Variants in C2CD3 observed in about 807,000 individuals in gnomAD.
C2CD3 encodes C2 domain containing 3 centriole elongation regulator.
C2CD3 carries 148 observed loss-of-function variants against 234.0 expected under a neutral mutation model. That is an observed-to-expected ratio of 0.63 (90% CI 0.55 to 0.72). The LOEUF (loss-of-function observed/expected upper bound fraction) is 0.72, where lower values mean the gene tolerates loss of function less well. C2CD3 is among the 30% of genes least tolerant of loss of function. C2CD3 has a pLI of 0.00. For missense variants in C2CD3, 2,577 were observed against 2,811.5 expected, an observed-to-expected ratio of 0.92 and a Z score of 1.89; for synonymous variants, 1,000 against 1,035.4, an observed-to-expected ratio of 0.97 and a Z score of 0.66.
chr11:74,064,927 A>G (rs1954435758), intron 24 of C2CD3, among the ~76,000 whole-genome samples: 2 of 152,246 alleles, frequency 1.3e-5, no homozygotes, highest in South Asian at 4.1e-4. Flanking sequence ...TTCAAGATGG[A>G]TTAAAGACTT....
At chr11:74,170,365 C>T (rs543867020) in intron 1 of C2CD3, among the ~76,000 whole-genome samples, 3 of 152,338 alleles carry the variant, frequency 2.0e-5, no homozygotes, top group African/African-American at 7.2e-5. Flanking sequence ...CCCACAATCA[C>T]ACAACAAATG....
At position 74,078,026 on chromosome 11, in the gene C2CD3, T is replaced by C. The variant is rs572185661; in HGVS notation, c.4603+89A>G. 89 of 1,453,470 alleles carry C rather than the reference T, an allele frequency of 6.1e-5. No individual in the cohort carries two copies. The African/African-American group carries it at 1.2e-3, about 19-fold the overall frequency. The allele number at this position is 1,453,470 out of a possible 1,614,324, so 90.0% of individuals were successfully genotyped here. A position where few individuals can be genotyped will look rare whatever the true frequency, so the allele number is the denominator to read the frequency against. Reference sequence around the variant, plus strand: ...TCACAGGATTGCTGGGAGGGTCAAGTAAAGTAATGTCTGACAGAGTGTCTC... The same window carrying C: ...TCACAGGATTGCTGGGAGGGTCAAGCAAAGTAATGTCTGACAGAGTGTCTC... On this transcript the variant is annotated intron_variant, in intron 23 of 32. Coordinates refer to ENST00000334126, the MANE Select transcript of C2CD3 (RefSeq NM_001286577.2).
intron 9 of C2CD3, 37 bp downstream of exon 9, chr11:74,118,191 T>C: frequency 6.4e-7 from 1 of 1,562,996 alleles, no homozygotes; most frequent in Non-Finnish European, 8.7e-7. Flanking sequence ...AACATTCCTT[T>C]GTGTTTACCT....
intron 3 of C2CD3, among the ~76,000 whole-genome samples, chr11:74,155,953 C>A (rs981333983): frequency 2.0e-5 from 3 of 151,704 alleles, no homozygotes; most frequent in African/African-American, 4.8e-5. Flanking sequence ...CCAGCCTGGA[C>A]AACATGGCAA....
At position 74,040,391 on chromosome 11, in the gene C2CD3, T is replaced by G. The variant is rs1952976084; in HGVS notation, c.5660+1663A>C. On this transcript the variant is annotated intron_variant, in intron 29 of 32. Transcript: ENST00000334126. ...GCACTATTGATCAATTTTTAACTTGTCTCATTAACCAAAAAGATTTTGTTG... is the reference window on the plus strand; with the variant it reads ...GCACTATTGATCAATTTTTAACTTGGCTCATTAACCAAAAAGATTTTGTTG... Among the ~76,000 whole-genome samples the G allele has an allele frequency of 2.0e-5, 3 of 152,310 alleles. No homozygotes were observed. The East Asian group carries it at 5.8e-4, about 29-fold the overall frequency.
chr11:74,035,657 C>T (rs1186619096), intron 30 of C2CD3, among the ~76,000 whole-genome samples: 2 of 151,936 alleles, frequency 1.3e-5, no homozygotes, highest in African/African-American at 4.8e-5. Flanking sequence ...TTTGTAAAAA[C>T]AGCATACTGA....
chr11:74,147,921 C>T (rs1012729394), intron 3 of C2CD3, among the ~76,000 whole-genome samples: 5 of 152,154 alleles, frequency 3.3e-5, no homozygotes, highest in Non-Finnish European at 7.3e-5. Context: ...AAAACTAACA[C>T]TATTCAACTT....
At chr11:74,083,056 C>T (rs1245624343) in intron 22 of C2CD3, among the ~76,000 whole-genome samples, 14 of 152,156 alleles carry the variant, frequency 9.2e-5, no homozygotes, top group South Asian at 2.1e-4. Context: ...TACAAGGCTA[C>T]GGTAACCAAA....
rs571645094 is a variant in C2CD3, at chr11:74,126,809, TA to T, written c.1218-3675del. The stretch of plus-strand genomic sequence containing the variant: ...AATTCAATAGTTTTTAGTATGTTCA[TA>T]AATGTGACCAACCATCACCACTCAA... On this transcript the variant is annotated intron_variant, in intron 7 of 32. Transcript: ENST00000334126. Among the ~76,000 whole-genome samples, 514 of 152,288 alleles carry T rather than the reference TA, an allele frequency of 3.4e-3. 5 individuals are homozygous for T. The highest frequency in any genetic ancestry group is 0.012 in the African/African-American group (486 of 41,572).
At chr11:74,114,132 T>C (rs527801839) in intron 10 of C2CD3, among the ~76,000 whole-genome samples, 1 of 152,194 alleles carries the variant, frequency 6.6e-6, no homozygotes, top group African/African-American at 2.4e-5. Flanking sequence ...ATGTTATAGA[T>C]AGCCATTTAA....
At chr11:74,118,043 C>T (rs1005221077) in intron 9 of C2CD3, among the ~76,000 whole-genome samples, 185 bp downstream of exon 9, 3 of 152,080 alleles carry the variant, frequency 2.0e-5, no homozygotes, top group African/African-American at 7.2e-5. Flanking sequence ...TTCCCCAAAA[C>T]CTATGGAAAA....
intron 2 of C2CD3, among the ~76,000 whole-genome samples, chr11:74,163,883 A>G (rs770035783): frequency 7.9e-5 from 12 of 152,208 alleles, no homozygotes; most frequent in African/African-American, 2.2e-4. Context: ...ACTAACATGT[A>G]TTCATTGGCT....
intron 5 of C2CD3, among the ~76,000 whole-genome samples, chr11:74,136,277 G>A (rs1288079370): frequency 2.0e-5 from 3 of 152,148 alleles, no homozygotes; most frequent in Non-Finnish European, 4.4e-5. Context: ...CTCAGACCGA[G>A]TTGAAATCTA....
intron 14 of C2CD3, among the ~76,000 whole-genome samples, chr11:74,101,819 G>A (rs536681610): frequency 4.0e-4 from 61 of 152,166 alleles, no homozygotes; most frequent in Non-Finnish European, 7.6e-4. Flanking sequence ...AAGAGTGGCA[G>A]GAGCTGAGGC....
chr11:74,126,436 A>C (rs888973938), intron 7 of C2CD3, among the ~76,000 whole-genome samples: 1 of 152,176 alleles, frequency 6.6e-6, no homozygotes, highest in Admixed American at 6.5e-5. Flanking sequence ...ATACCATACA[A>C]TCTTCCCATT....
Position 74,033,805 on chromosome 11 carries a change from A to G in C2CD3, c.6355T>C (p.Cys2119Arg). ...CTTTTGACCATAAGCTCCTCTCTGC[A>G]GAAAGGCCCTGGAGAAGGACAAGAG... Reference protein sequence around the residue: ...GPSCPSPGPFCREELMVKSSF... With the variant: ...GPSCPSPGPFRREELMVKSSF... The change falls in exon 31 of 33, where the codon TGC (cysteine) becomes CGC (arginine). Residue 2119 changes from cysteine (C) to arginine (R), a missense_variant. By Grantham distance (180) the Cys-to-Arg change is radical. Coordinates refer to ENST00000334126, the MANE Select transcript of C2CD3 (RefSeq NM_001286577.2). The G allele has an allele frequency of 6.5e-7, 1 of 1,536,298 alleles. No homozygotes were observed. Among genetic ancestry groups the G allele is most frequent in the Non-Finnish European group, 8.7e-7 (1 of 1,146,944 alleles).
At chr11:74,041,955 CG>C in intron 29 of C2CD3, 98 bp downstream of exon 29, 1 of 1,182,004 alleles carries the variant, frequency 8.5e-7, no homozygotes, top group Non-Finnish European at 1.2e-6. Flanking sequence ...GTTCCTAGGG[CG>C]GTGGCAGGTG....
At chr11:74,167,618 A>C (rs980022844) in intron 2 of C2CD3, among the ~76,000 whole-genome samples, 4 of 152,280 alleles carry the variant, frequency 2.6e-5, no homozygotes, top group Non-Finnish European at 5.9e-5. Context: ...TTCTGAGCCC[A>C]ACCATGTTTA....
intron 10 of C2CD3, 86 bp from the exon 11 acceptor site, chr11:74,113,978 T>G: frequency 1.2e-6 from 1 of 814,300 alleles, no homozygotes; most frequent in Non-Finnish European, 1.9e-6. Flanking sequence ...TTTGAAATCT[T>G]ACTTTCAGGA....
Sources: gnomAD v4.1 joint callset for allele counts (sites outside exome capture counted in the v4.1 genomes callset) on GRCh38, gnomAD v4.1.1 for gene constraint, MANE v1.5 for transcripts, NCBI Gene and HGNC (gene_info 2026-07-23, HGNC 2026-07-21) for gene names.